NBEA: variants seen among roughly 807,000 people sequenced by gnomAD.
NBEA encodes the protein neurobeachin, also known as lysosomal-trafficking regulator 2.
A neutral mutation model predicts 343.4 loss-of-function variants in NBEA; 44 were observed. The ratio of observed to expected loss-of-function variants is 0.13; its 90% CI spans 0.10 to 0.16. The LOEUF is 0.16. Ranked by LOEUF, NBEA falls within the 10% of genes least tolerant of loss-of-function variation. The pLI is 1.00. For missense variants in NBEA, 2,555 were observed against 3,631.3 expected (o/e 0.70, Z 7.62); for synonymous variants, 1,175 against 1,238.7 (o/e 0.95, Z 1.08).
rs1209807112 is a variant in NBEA at position 35,159,364 on chromosome 13, G to A, written c.3193G>A (p.Glu1065Lys). The stretch of plus-strand genomic sequence containing the variant: ...AGTAGATATAAAAGCAGAGAAAGTG[G>A]AAGCAACAGAAGTAAAGCTCGATGA... ...LLVDIKAEKV[E>K]ATEVKLDDMD... The change falls in exon 22 of 59, where the codon GAA becomes AAA. Residue 1065 changes from glutamate to lysine, a missense_variant. Transcript: ENST00000379939. 1 of 1,613,426 alleles carries A rather than the reference G, an allele frequency of 6.2e-7. No individual in the cohort carries two copies. Among genetic ancestry groups the A allele is most frequent in the Admixed American group, 1.7e-5 (1 of 59,898 alleles).
intron 1 of NBEA, among the ~76,000 whole-genome samples, chr13:34,991,974 GTT>G (rs75151092): frequency 1.5e-5 from 2 of 134,568 alleles, no homozygotes; most frequent in Non-Finnish European, 3.2e-5. Flanking sequence ...TCTTATGGTT[GTT>G]TTTTTTTTTT....
At chr13:35,374,837 G>A (rs908419553) in intron 38 of NBEA, among the ~76,000 whole-genome samples, 1 of 151,752 alleles carries the variant, frequency 6.6e-6, no homozygotes, top group African/African-American at 2.4e-5. Context: ...TTTACTTACG[G>A]TTTTCCTTTA....
intron 41 of NBEA, among the ~76,000 whole-genome samples, chr13:35,500,906 A>G (rs887502359): frequency 4.6e-5 from 7 of 152,012 alleles, no homozygotes; most frequent in African/African-American, 1.7e-4. Context: ...CTTTGTCCAT[A>G]CCATCAAGAT....
At chr13:35,107,459 A>G (rs2065973889) in intron 11 of NBEA, among the ~76,000 whole-genome samples, 1 of 151,958 alleles carries the variant, frequency 6.6e-6, no homozygotes, top group South Asian at 2.1e-4. Flanking sequence ...ATCATTTTTA[A>G]CCTTATAATA....
chr13:35,655,151 T>G, intron 54 of NBEA, 141 bp downstream of exon 54: 1 of 651,364 alleles, frequency 1.5e-6, no homozygotes, highest in Non-Finnish European at 2.3e-6. Context: ...ATGTTCACAT[T>G]GTAAGCAAAG....
At chr13:35,656,375 G>A (rs1382827423) in intron 55 of NBEA, among the ~76,000 whole-genome samples, 1 of 152,206 alleles carries the variant, frequency 6.6e-6, no homozygotes, top group Non-Finnish European at 1.5e-5. Context: ...TAATTTTGGA[G>A]TACAGTGTTT....
intron 24 of NBEA, 67 bp downstream of exon 24, chr13:35,164,576 G>A: frequency 6.7e-7 from 1 of 1,490,642 alleles, no homozygotes; most frequent in Non-Finnish European, 9.1e-7. Flanking sequence ...TTCAGTGGTG[G>A]TCTAGGCTAT....
chr13:34,948,521 T>G (rs1019912903), intron 1 of NBEA, among the ~76,000 whole-genome samples: 3 of 152,218 alleles, frequency 2.0e-5, no homozygotes, highest in Non-Finnish European at 4.4e-5. Flanking sequence ...TTAAATTATC[T>G]CCTTTAAAAT....
chr13:35,468,844 A>C (rs2075515076), intron 40 of NBEA, among the ~76,000 whole-genome samples: 1 of 152,160 alleles, frequency 6.6e-6, no homozygotes, highest in South Asian at 2.1e-4. Flanking sequence ...CATGCCTGTA[A>C]TCCCAGCATT....
chr13:35,164,525 C>T lies in NBEA; in HGVS notation c.4233+16C>T. ...ATCACCAACTGTAAGTACTTTGCCT[C>T]CATCTAGTGGTTATATTTTATAAAT... is the stretch of plus-strand genomic sequence containing the variant. On this transcript the variant is annotated intron_variant, in intron 24 of 58. Transcript: ENST00000379939. 6.2e-7 allele frequency: 1 copy of T among 1,604,126 alleles called. No individual in the cohort carries two copies. The highest frequency in any genetic ancestry group is 8.5e-7 in the Non-Finnish European group (1 of 1,174,228).
At chr13:35,398,071 GT>G (rs1411134582) in intron 38 of NBEA, among the ~76,000 whole-genome samples, 1 of 152,086 alleles carries the variant, frequency 6.6e-6, no homozygotes, top group Non-Finnish European at 1.5e-5. Flanking sequence ...AATTAAGTTT[GT>G]GGAATATTCT....
intron 38 of NBEA, among the ~76,000 whole-genome samples, chr13:35,362,679 A>G (rs1438141896): frequency 6.6e-6 from 1 of 151,990 alleles, no homozygotes; most frequent in Non-Finnish European, 1.5e-5. Flanking sequence ...ATGGCTATAA[A>G]GCCTCACAGA....
chr13:35,091,445 G>T (rs2065077557), intron 10 of NBEA, among the ~76,000 whole-genome samples: 1 of 151,894 alleles, frequency 6.6e-6, no homozygotes, highest in Admixed American at 6.6e-5. Flanking sequence ...AGTTGTAGCT[G>T]CTACAATAAG....
chr13:35,443,708 G>C (rs563981258), intron 39 of NBEA, among the ~76,000 whole-genome samples: 42 of 151,970 alleles, frequency 2.8e-4, no homozygotes, highest in African/African-American at 9.6e-4. Flanking sequence ...ATAAAGTGAG[G>C]CTTCTGACTC....
Position 35,668,327 on chromosome 13 carries a change from A to G in NBEA, c.8662-41A>G, listed in dbSNP as rs767554580. 4.6e-6 allele frequency: 7 copies of G among 1,533,710 alleles called. 1 individual carries two copies. Among genetic ancestry groups the G allele is most frequent in the South Asian group, 2.4e-5 (2 of 81,766 alleles). On this transcript the variant is annotated intron_variant, in intron 57 of 58. Transcript: ENST00000379939. ...AAATGGTTGTTGTGTATTTTATTTT[A>G]TTTTGTTTTTTTTTGTTTGTTTGTT...
At chr13:35,080,264 T>A (rs868269871) in intron 10 of NBEA, among the ~76,000 whole-genome samples, 3 of 152,140 alleles carry the variant, frequency 2.0e-5, no homozygotes, top group African/African-American at 7.2e-5. Flanking sequence ...TTAATTGATA[T>A]CATTGAGGAT....
chr13:35,348,500 C>A (rs1159950683), intron 36 of NBEA, among the ~76,000 whole-genome samples: 1 of 151,928 alleles, frequency 6.6e-6, no homozygotes, highest in Non-Finnish European at 1.5e-5. Flanking sequence ...AAATAAGTAA[C>A]TTCTGTAGTT....
intron 35 of NBEA, among the ~76,000 whole-genome samples, chr13:35,304,326 A>G (rs933196893): frequency 3.9e-5 from 5 of 128,942 alleles, no homozygotes; most frequent in African/African-American, 1.2e-4. Context: ...GACAAAAGCA[A>G]TTCTCTGTGT....
intron 44 of NBEA, among the ~76,000 whole-genome samples, chr13:35,560,413 G>T (rs2079806143): frequency 6.6e-6 from 1 of 152,074 alleles, no homozygotes; most frequent in Non-Finnish European, 1.5e-5. Context: ...GACTTTTGTA[G>T]ATACTGATAT....
Sources: gnomAD v4.1 joint callset for allele counts (sites outside exome capture counted in the v4.1 genomes callset) on GRCh38, gnomAD v4.1.1 for gene constraint, MANE v1.5 for transcripts, NCBI Gene and HGNC (gene_info 2026-07-23, HGNC 2026-07-21) for gene names.